Variants in GRIK2 observed in about 807,000 individuals in gnomAD.
GRIK2 encodes the protein glutamate receptor ionotropic, kainate 2.
GRIK2 carries 32 observed loss-of-function variants against 100.3 expected under a neutral mutation model. The ratio of observed to expected loss-of-function variants is 0.32; its 90% CI spans 0.24 to 0.43. The LOEUF is 0.43. Among genes scored for constraint, GRIK2 ranks in the 20% least tolerant of loss-of-function variants. The probability of loss-of-function intolerance (pLI) is 1.00; values close to 1 mark genes in which losing one functional copy is unlikely to be tolerated. For missense variants in GRIK2, 843 were observed against 1,114.9 expected (o/e 0.76, Z 3.47); for synonymous variants, 417 against 389.4 (o/e 1.07, Z -0.83).
At chr6:101,639,193 T>A (rs1385560142) in intron 4 of GRIK2, among the ~76,000 whole-genome samples, 1 of 152,040 alleles carries the variant, frequency 6.6e-6, no homozygotes, top group Non-Finnish European at 1.5e-5. Flanking sequence ...CGTGCCACCA[T>A]GCCCGGCTAA....
At chr6:101,967,245 G>A (rs567211377) in intron 14 of GRIK2, among the ~76,000 whole-genome samples, 9 of 151,770 alleles carry the variant, frequency 5.9e-5, no homozygotes, top group Non-Finnish European at 1.2e-4. Flanking sequence ...TTGCCTACTT[G>A]TATATTACTT....
At position 101,922,537 on chromosome 6, in the gene GRIK2, T is replaced by C. The variant is rs550214074; in HGVS notation, c.1749-2064T>C. On this transcript the variant is annotated intron_variant, in intron 12 of 16. Coordinates refer to ENST00000369134, the MANE Select transcript of GRIK2 (RefSeq NM_021956.5). ...ATTAAAATTGGAGGTTGAATAACTA[T>C]AGTTGAAGTCATAGCATCTAATAAT... 1.1e-4 allele frequency among the ~76,000 whole-genome samples: 17 copies of C among 152,322 alleles called. No individual in the cohort carries two copies. The South Asian group carries it at 3.5e-3, about 32-fold the overall frequency.
At chr6:102,024,654 A>G (rs1769600346) in intron 14 of GRIK2, among the ~76,000 whole-genome samples, 1 of 151,370 alleles carries the variant, frequency 6.6e-6, no homozygotes, top group African/African-American at 2.4e-5. Flanking sequence ...CCCATTCTTG[A>G]TGTATGTGGA....
intron 7 of GRIK2, among the ~76,000 whole-genome samples, chr6:101,796,350 A>G (rs1361104050): frequency 6.6e-6 from 1 of 152,200 alleles, no homozygotes; most frequent in Non-Finnish European, 1.5e-5. Flanking sequence ...CATATTTGTG[A>G]GAATAAGAGA....
At chr6:102,003,734 G>A (rs1795065017) in intron 14 of GRIK2, among the ~76,000 whole-genome samples, 1 of 151,476 alleles carries the variant, frequency 6.6e-6, no homozygotes, top group South Asian at 2.1e-4. Context: ...TTATTCCTTT[G>A]ACTTCTCACA....
At chr6:101,448,363 G>T (rs1472269770) in intron 2 of GRIK2, among the ~76,000 whole-genome samples, 1 of 151,608 alleles carries the variant, frequency 6.6e-6, no homozygotes, top group Non-Finnish European at 1.5e-5. Flanking sequence ...CTGAAACAAA[G>T]TGTAAGAAGT....
At chr6:101,681,230 A>G (rs1286710362) in intron 5 of GRIK2, among the ~76,000 whole-genome samples, 2 of 151,978 alleles carry the variant, frequency 1.3e-5, no homozygotes, top group African/African-American at 4.8e-5. Context: ...GGTAAATGGG[A>G]TATCCATCAC....
intron 4 of GRIK2, among the ~76,000 whole-genome samples, chr6:101,655,048 A>G (rs1436308428): frequency 6.6e-6 from 1 of 152,170 alleles, no homozygotes; most frequent in Non-Finnish European, 1.5e-5. Context: ...CAAATCAGTG[A>G]TTCTTCTAGT....
chr6:101,786,891 G>A (rs1446027398), intron 7 of GRIK2, among the ~76,000 whole-genome samples: 2 of 151,994 alleles, frequency 1.3e-5, no homozygotes, highest in African/African-American at 2.4e-5. Flanking sequence ...AGTAGAATTG[G>A]TATTAATTAT....
chr6:101,829,544 A>G (rs1782545375), intron 10 of GRIK2, among the ~76,000 whole-genome samples: 1 of 151,828 alleles, frequency 6.6e-6, no homozygotes, highest in Non-Finnish European at 1.5e-5. Flanking sequence ...ACTTCAGCAA[A>G]GTCTCAGAAT....
chr6:101,816,266 G>T (rs1157086282), intron 9 of GRIK2, among the ~76,000 whole-genome samples: 1 of 151,964 alleles, frequency 6.6e-6, no homozygotes, highest in East Asian at 1.9e-4. Context: ...AAATCTAAGG[G>T]AACAAATGCA....
At chr6:101,754,588 C>A (rs1189394778) in intron 7 of GRIK2, among the ~76,000 whole-genome samples, 1 of 152,174 alleles carries the variant, frequency 6.6e-6, no homozygotes, top group African/African-American at 2.4e-5. Flanking sequence ...ACAGAACATT[C>A]AGTCTCACGA....
At chr6:101,436,422 G>T (rs999471044) in intron 2 of GRIK2, among the ~76,000 whole-genome samples, 12 of 151,762 alleles carry the variant, frequency 7.9e-5, no homozygotes, top group Non-Finnish European at 1.3e-4. Flanking sequence ...TTTTTTAGCT[G>T]CAAGGCTGTG....
At chr6:101,612,716 A>G (rs1409043542) in intron 2 of GRIK2, among the ~76,000 whole-genome samples, 2 of 143,326 alleles carry the variant, frequency 1.4e-5, no homozygotes, top group Admixed American at 7.0e-5. Flanking sequence ...GTATGTGTTA[A>G]TGTGTGTGTG....
intron 10 of GRIK2, among the ~76,000 whole-genome samples, chr6:101,825,698 T>C (rs2128425521): frequency 6.6e-6 from 1 of 152,234 alleles, no homozygotes. Context: ...CTAAAATGGT[T>C]GAAGACTATT....
intron 16 of GRIK2, among the ~76,000 whole-genome samples, chr6:102,065,350 A>T (rs1435670123): frequency 6.6e-6 from 1 of 151,312 alleles, no homozygotes; most frequent in Non-Finnish European, 1.5e-5. Flanking sequence ...TATAAACTTA[A>T]TATTATATGA....
intron 2 of GRIK2, among the ~76,000 whole-genome samples, chr6:101,406,109 C>G (rs1224996172): frequency 6.6e-6 from 1 of 152,100 alleles, no homozygotes; most frequent in Non-Finnish European, 1.5e-5. Flanking sequence ...TTAAAGCAAA[C>G]TATGTTATAT....
In GRIK2 at chr6:101,890,963, C is replaced by T. The variant is rs1467208700; in HGVS notation, c.1748+1100C>T. 2.1e-5 allele frequency among the ~76,000 whole-genome samples: 3 copies of T among 145,104 alleles called. No individual in the cohort carries two copies. In the Admixed American group the frequency reaches 2.1e-4, roughly 10 times the overall value. ...ATAATTTTTCATGGAGATAAAAATA[C>T]CTATAAAGTGTACATATATATATAT... On this transcript the variant is annotated intron_variant, in intron 12 of 16. Transcript: ENST00000369134.
chr6:102,041,069 G>A (rs1383110876), intron 15 of GRIK2, among the ~76,000 whole-genome samples: 2 of 151,508 alleles, frequency 1.3e-5, no homozygotes, highest in East Asian at 3.9e-4. Flanking sequence ...GTTAAGTCTA[G>A]ATTATATGTC....
Sources: allele counts gnomAD v4.1 joint callset (sites outside exome capture counted in the v4.1 genomes callset), GRCh38; gene constraint gnomAD v4.1.1; transcripts MANE v1.5; gene names NCBI Gene and HGNC (gene_info 2026-07-23, HGNC 2026-07-21).